PCDHGA3: variants seen among roughly 807,000 people sequenced by gnomAD.
PCDHGA3 encodes protocadherin gamma subfamily A, 3.
PCDHGA3 carries 40 observed loss-of-function variants against 58.5 expected under a neutral mutation model. The observed-to-expected ratio is 0.68, with a 90% CI of 0.53 to 0.89. The LOEUF (loss-of-function observed/expected upper bound fraction) is 0.89. Among genes scored for constraint, PCDHGA3 ranks in the 40% least tolerant of loss-of-function variants. The probability of loss-of-function intolerance (pLI) is 0.00; values close to 1 mark genes in which losing one functional copy is unlikely to be tolerated. For synonymous variants in PCDHGA3, 530 were observed against 525.7 expected (o/e 1.01, Z -0.11); for missense variants, 1,223 against 1,195.9 (o/e 1.02, Z -0.33).
intron 1 of PCDHGA3, chr5:141,419,210 G>A: frequency 6.2e-7 from 1 of 1,613,926 alleles, no homozygotes; most frequent in Non-Finnish European, 8.5e-7. Flanking sequence ...CAACGCGCCG[G>A]TTTTCGGACA....
Position 141,511,451 on chromosome 5 carries a change from A to G in PCDHGA3, c.*278A>G, listed in dbSNP as rs2099883797. On this transcript the variant is annotated 3_prime_UTR_variant, in exon 4 of 4. Coordinates refer to ENST00000253812, the MANE Select transcript of PCDHGA3 (RefSeq NM_018916.4). ...GGGGTTACTGTAGACACCAAGAACC[A>G]TTTGCCACACCCCGTTTAGTTACAG... is the stretch of plus-strand genomic sequence containing the variant. The G allele has an allele frequency of 4.9e-6, 3 of 606,372 alleles. No homozygotes were observed. Among genetic ancestry groups the G allele is most frequent in the Non-Finnish European group, 8.1e-6 (3 of 368,942 alleles). The allele number at this position is 606,372 out of a possible 1,614,324, so 37.6% of individuals were successfully genotyped here.
At chr5:141,364,805 G>A (rs1763547717) in intron 1 of PCDHGA3, 1 of 1,614,018 alleles carries the variant, frequency 6.2e-7, no homozygotes, top group Non-Finnish European at 8.5e-7. Flanking sequence ...CTTCGCGCGG[G>A]ATGCGGATGT....
chr5:141,376,559 C>G (rs758448085), intron 1 of PCDHGA3: 8 of 1,609,380 alleles, frequency 5.0e-6, no homozygotes, highest in Admixed American at 3.4e-5. Context: ...TCCCGCAACC[C>G]AACTAATCAG....
chr5:141,431,460 A>T lies in PCDHGA3; in HGVS notation c.2425-63347A>T, dbSNP rs761879594. On this transcript the variant is annotated intron_variant, in intron 1 of 3. Transcript: ENST00000253812. This position sits in a 1 kb window ranked among gnomAD's most constrained non-coding sequence, Gnocchi z 4.8. The stretch of plus-strand genomic sequence containing the variant: ...GCGCGCATCCGCGTGATGGTTCTGG[A>T]TGCGAACGACAACGCACCAGCGTTT... The T allele has an allele frequency of 6.2e-7, 1 of 1,613,794 alleles. No individual in the cohort carries two copies. The highest frequency in any genetic ancestry group is 1.7e-5 in the Admixed American group (1 of 60,032).
rs1163396034 is a variant in PCDHGA3 at position 141,357,533 on chromosome 5, C to T, written c.2424+11076C>T. 6.8e-6 allele frequency: 11 copies of T among 1,614,076 alleles called. No homozygotes were observed. Among genetic ancestry groups the T allele is most frequent in the Non-Finnish European group, 9.3e-6 (11 of 1,180,036 alleles). ...TTCTCCCAACCCAGCTATGCAGACA[C>T]GCTCATCAGCCGGGAGAGTTGTGAG... is the stretch of plus-strand genomic sequence containing the variant. On this transcript the variant is annotated intron_variant, in intron 1 of 3. Transcript: ENST00000253812.
chr5:141,417,919 G>C, intron 1 of PCDHGA3: 1 of 1,605,944 alleles, frequency 6.2e-7, no homozygotes, highest in Non-Finnish European at 8.5e-7. Flanking sequence ...TATTTCCTTT[G>C]CTGCTGCCTT....
chr5:141,486,552 A>C lies in PCDHGA3; in HGVS notation c.2425-8255A>C. The C allele has an allele frequency of 6.2e-7, 1 of 1,614,136 alleles. No individual in the cohort carries two copies. The highest frequency in any genetic ancestry group is 1.1e-5 in the South Asian group (1 of 91,082). On this transcript the variant is annotated intron_variant, in intron 1 of 3. Coordinates refer to ENST00000253812, the MANE Select transcript of PCDHGA3 (RefSeq NM_018916.4). This position sits in a 1 kb window ranked among gnomAD's most constrained non-coding sequence, Gnocchi z 5.0. The stretch of plus-strand genomic sequence containing the variant: ...CCACCCTCTTTCTTTCAGAGGTCAC[A>C]TGAGGTGTTTGTTCCTGAGAACAAT...
chr5:141,374,973 T>C (rs1770996442), intron 1 of PCDHGA3: 1 of 1,614,028 alleles, frequency 6.2e-7, no homozygotes, highest in Non-Finnish European at 8.5e-7. Flanking sequence ...TTGAATGTTT[T>C]GACTGGAGAA....
chr5:141,356,010 T>A lies in PCDHGA3; in HGVS notation c.2424+9553T>A. On this transcript the variant is annotated intron_variant, in intron 1 of 3. Transcript: ENST00000253812. ...TCACCGTAAAAGCCACTGATCCAGA[T>A]GAAGGAGCCAATGGAGACGTGACGT... is the stretch of plus-strand genomic sequence containing the variant. 1.2e-6 allele frequency: 2 copies of A among 1,613,914 alleles called. No individual in the cohort carries two copies. The highest frequency in any genetic ancestry group is 1.7e-6 in the Non-Finnish European group (2 of 1,179,894).
intron 1 of PCDHGA3, chr5:141,366,026 G>A (rs1435351419): frequency 4.3e-6 from 7 of 1,614,094 alleles, no homozygotes; most frequent in Non-Finnish European, 5.1e-6. Flanking sequence ...CCTGTACCCC[G>A]CCCTCCCCAC....
At chr5:141,388,020 G>A (rs549084224) in intron 1 of PCDHGA3, 32 of 1,459,094 alleles carry the variant, frequency 2.2e-5, no homozygotes, top group African/African-American at 7.1e-5. Context: ...CAAGGGCTCC[G>A]TAGTGGGGAA....
chr5:141,418,095 C>T, intron 1 of PCDHGA3: 1 of 1,614,006 alleles, frequency 6.2e-7, no homozygotes, highest in Non-Finnish European at 8.5e-7. Context: ...AGCGTAGACG[C>T]GCAGAGCGGG....
At chr5:141,419,405 G>T (rs1219399978) in intron 1 of PCDHGA3, 1 of 1,613,512 alleles carries the variant, frequency 6.2e-7, no homozygotes, top group South Asian at 1.1e-5. Context: ...GGTGGTGTTC[G>T]CGCAGCGCGC....
intron 1 of PCDHGA3, chr5:141,415,523 T>G (rs1245542927): frequency 1.9e-6 from 3 of 1,614,196 alleles, no homozygotes; most frequent in Non-Finnish European, 2.5e-6. Context: ...GCGGACACGC[T>G]CATCAGCCAG....
chr5:141,423,071 C>T, intron 1 of PCDHGA3: 2 of 1,614,120 alleles, frequency 1.2e-6, no homozygotes, highest in South Asian at 1.1e-5. Flanking sequence ...GCCAGCGAGC[C>T]GGGACTCTTC....
At chr5:141,366,241 G>A in intron 1 of PCDHGA3, 2 of 1,613,748 alleles carry the variant, frequency 1.2e-6, no homozygotes, top group South Asian at 2.2e-5. Flanking sequence ...ACAGAGACGC[G>A]CTCAAGCAGA....
intron 1 of PCDHGA3, among the ~76,000 whole-genome samples, chr5:141,482,757 T>G: frequency 7.9e-6 from 1 of 127,194 alleles, no homozygotes; most frequent in Admixed American, 7.7e-5. Flanking sequence ...GATTATGGTA[T>G]TTCATTATCA....
chr5:141,414,903 C>A, intron 1 of PCDHGA3: 2 of 1,614,218 alleles, frequency 1.2e-6, no homozygotes, highest in Non-Finnish European at 1.7e-6. Flanking sequence ...CAGACGGTTC[C>A]ACAGGCGTGG....
chr5:141,428,169 G>A (rs758370904), intron 1 of PCDHGA3: 1 of 1,540,076 alleles, frequency 6.5e-7, no homozygotes, highest in Non-Finnish European at 8.9e-7. Flanking sequence ...GTTGCTGTGC[G>A]TGACGGAGGA....
Sources: allele counts gnomAD v4.1 joint callset (sites outside exome capture counted in the v4.1 genomes callset), GRCh38; gene constraint gnomAD v4.1.1; non-coding constraint Gnocchi (gnomAD v3.1); transcripts MANE v1.5; gene names NCBI Gene and HGNC (gene_info 2026-07-23, HGNC 2026-07-21).